FARP2: variants seen among roughly 807,000 people sequenced by gnomAD.
FARP2 encodes the protein FERM, ARH/RhoGEF and pleckstrin domain protein 2.
Under a neutral mutation model 130.5 loss-of-function variants are expected in FARP2, and 111 were observed. That is an observed-to-expected ratio of 0.85 (90% CI 0.73 to 1.00). The LOEUF is 1.00. FARP2 is among the 50% of genes least tolerant of loss of function. The pLI is 0.00. For missense variants in FARP2, 1,385 were observed against 1,346.3 expected (o/e 1.03, Z -0.45); for synonymous variants, 504 against 516.9 (o/e 0.98, Z 0.34).
rs965210809 is a variant in FARP2 at position 241,413,190 on chromosome 2, T to A, written c.509-117T>A. 1.8e-5 allele frequency: 11 copies of A among 620,232 alleles called. No homozygotes were observed. In the South Asian group the frequency reaches 2.5e-4, roughly 14 times the overall value. 38.4% of individuals were successfully genotyped at this position (620,232 alleles called of 1,614,324 possible). A position where few individuals can be genotyped will look rare whatever the true frequency, so the allele number is the denominator to read the frequency against. On this transcript the variant is annotated intron_variant, in intron 6 of 26. Coordinates refer to ENST00000264042, the MANE Select transcript of FARP2 (RefSeq NM_014808.4). ...ATAAAAAATCTTGCTTTTTTAGGGATATATTCTTTTGCTACAAATTTGGGA... is the reference window on the plus strand; with the variant it reads ...ATAAAAAATCTTGCTTTTTTAGGGAAATATTCTTTTGCTACAAATTTGGGA...
intron 13 of FARP2, chr2:241,442,257 C>T: frequency 4.4e-6 from 2 of 456,730 alleles, no homozygotes; most frequent in Middle Eastern, 6.5e-4. Context: ...TGGTCAACTT[C>T]CCAGCCTACT....
At position 241,491,647 on chromosome 2, in the gene FARP2, G is replaced by A. The variant is rs772148774; in HGVS notation, c.2755G>A (p.Val919Met). Reference protein sequence around the residue: ...MHVCWYRNTSVSRADHSAAVE... With the variant: ...MHVCWYRNTSMSRADHSAAVE... The stretch of plus-strand genomic sequence containing the variant: ...CGTGTGCTGGTACCGGAACACCAGC[G>A]TGTCCAGGGCAGACCACAGTGCAGC... Residue 919 changes from valine (V) to methionine (M), a missense_variant, in exon 24 of 27, where the codon GTG (valine) becomes ATG (methionine). Transcript: ENST00000264042. 1.1e-5 allele frequency: 17 copies of A among 1,612,548 alleles called. No individual in the cohort carries two copies. Among genetic ancestry groups the A allele is most frequent in the South Asian group, 3.3e-5 (3 of 90,944 alleles).
At chr2:241,366,133 A>ATACATATATATATATACGTATATATC (rs2061313783) in intron 1 of FARP2, among the ~76,000 whole-genome samples, 2 of 136,674 alleles carry the variant, frequency 1.5e-5, no homozygotes, top group Non-Finnish European at 1.6e-5. Flanking sequence ...GTATATATAT[A>ATACATATATATATATACGTATATATC]TATATACACA....
chr2:241,362,865 AAATC>A lies in FARP2; in HGVS notation c.-25+6482_-25+6485del, dbSNP rs536782671. Among the ~76,000 whole-genome samples, 912 of 152,324 alleles carry A rather than the reference AAATC, an allele frequency of 6.0e-3. 10 individuals are homozygous for A. The highest frequency in any genetic ancestry group is 0.027 in the Admixed American group (415 of 15,298). On this transcript the variant is annotated intron_variant, in intron 1 of 26. Coordinates refer to ENST00000264042, the MANE Select transcript of FARP2 (RefSeq NM_014808.4). ...CAGAAAATTAGGAAGAAGGAAATAA[AAATC>A]AATCCTCTTACCCCTCCCAATGATA...
chr2:241,463,604 G>A (rs1398065003), intron 16 of FARP2, 136 bp downstream of exon 16: 21 of 957,044 alleles, frequency 2.2e-5, no homozygotes, highest in Non-Finnish European at 3.1e-5. Context: ...AGCCTGTGGG[G>A]AGAGGTACAG....
At chr2:241,379,146 G>A (rs2061605036) in intron 2 of FARP2, among the ~76,000 whole-genome samples, 2 of 152,144 alleles carry the variant, frequency 1.3e-5, no homozygotes, top group African/African-American at 2.4e-5. Flanking sequence ...CTGAGACCCC[G>A]TTCTAGAAAG....
chr2:241,420,694 CTT>C (rs1281483485), intron 8 of FARP2, among the ~76,000 whole-genome samples: 1 of 152,210 alleles, frequency 6.6e-6, no homozygotes, highest in Non-Finnish European at 1.5e-5. Flanking sequence ...TCATCAGCCT[CTT>C]TGTCCTGCAG....
In FARP2 at chr2:241,411,086, G is replaced by A. The variant is rs756651965; in HGVS notation, c.464G>A (p.Cys155Tyr). 2 of 1,612,680 alleles carry A rather than the reference G, an allele frequency of 1.2e-6. No individual in the cohort carries two copies. The highest frequency in any genetic ancestry group is 3.3e-5 in the Admixed American group (2 of 59,886). ...GACCTGCTGGAAGAGCGTTTGACCTGTGCTGACACCACAGCGGCCCTTCTC... is the reference window on the plus strand; with the variant it reads ...GACCTGCTGGAAGAGCGTTTGACCTATGCTGACACCACAGCGGCCCTTCTC... ...KRDLLEERLT[C>Y]ADTTAALLTS... Residue 155 changes from cysteine to tyrosine, a missense_variant, in exon 6 of 27, where the codon TGT (cysteine) becomes TAT (tyrosine). Transcript: ENST00000264042.
At chr2:241,403,367 G>A (rs180788002) in intron 2 of FARP2, among the ~76,000 whole-genome samples, 237 of 152,060 alleles carry the variant, frequency 1.6e-3, no homozygotes, top group Non-Finnish European at 2.7e-3. Flanking sequence ...GGTGGGCACC[G>A]CTGTGCTCGG....
intron 2 of FARP2, among the ~76,000 whole-genome samples, chr2:241,376,716 G>A (rs1372619246): frequency 1.3e-5 from 2 of 152,266 alleles, no homozygotes; most frequent in Non-Finnish European, 2.9e-5. Context: ...GGAACCAAGA[G>A]ACAGACTGTG....
In FARP2 at chr2:241,375,695, A is replaced by G. The variant is rs146819382; in HGVS notation, c.183+2405A>G. On this transcript the variant is annotated intron_variant, in intron 2 of 26. Transcript: ENST00000264042. ...TATCTGGCAGAGTTACCAGAAATTA[A>G]AGAACTTTTATCTGAAGCAAAAGAA... 1.6e-4 allele frequency among the ~76,000 whole-genome samples: 25 copies of G among 152,320 alleles called. No homozygotes were observed. The East Asian group carries it at 4.8e-3, about 29-fold the overall frequency.
Position 241,482,914 on chromosome 2 carries a change from T to G in FARP2, c.2263-551T>G, listed in dbSNP as rs534467049. 2.6e-5 allele frequency among the ~76,000 whole-genome samples: 4 copies of G among 152,260 alleles called. No homozygotes were observed. In the South Asian group the frequency reaches 8.3e-4, roughly 32 times the overall value. Reference sequence around the variant, plus strand: ...CGCCCTGTGGTGGACGAGGTGGTGCTAATTTGAATACTTAGGAGAACCCTC... The same window carrying G: ...CGCCCTGTGGTGGACGAGGTGGTGCGAATTTGAATACTTAGGAGAACCCTC... On this transcript the variant is annotated intron_variant, in intron 19 of 26. Coordinates refer to ENST00000264042, the MANE Select transcript of FARP2 (RefSeq NM_014808.4). This position sits in a 1 kb window ranked among gnomAD's most constrained non-coding sequence, Gnocchi z 4.6.
chr2:241,373,716 C>G (rs1390400706), intron 2 of FARP2, among the ~76,000 whole-genome samples: 1 of 152,314 alleles, frequency 6.6e-6, no homozygotes, highest in East Asian at 1.9e-4. Flanking sequence ...CCCTCTTTCT[C>G]AGAGCTGCTG....
chr2:241,438,920 C>T (rs897935993), intron 12 of FARP2, among the ~76,000 whole-genome samples: 68 of 151,796 alleles, frequency 4.5e-4, no homozygotes, highest in African/African-American at 1.4e-3. Context: ...TGAGCCACCG[C>T]GCCCGGCCAA....
intron 1 of FARP2, among the ~76,000 whole-genome samples, chr2:241,364,096 C>T (rs1168088562): frequency 6.6e-5 from 10 of 152,154 alleles, no homozygotes; most frequent in Non-Finnish European, 5.9e-5. Context: ...AGCCTGGATT[C>T]GTTGTCTAGA....
intron 1 of FARP2, among the ~76,000 whole-genome samples, chr2:241,364,336 G>A (rs187930633): frequency 6.6e-6 from 1 of 152,328 alleles, no homozygotes; most frequent in African/African-American, 2.4e-5. Context: ...ACTTGAATGA[G>A]CCTGTAAGTG....
In FARP2 at chr2:241,489,952, C is replaced by T; in HGVS notation, c.2422-10C>T. The stretch of plus-strand genomic sequence containing the variant: ...GGCCACAAGACTTGGACCGTTTCTC[C>T]CACCCACAGGTGGAAGAAAGTGATA... On this transcript the variant is annotated splice_polypyrimidine_tract_variant and intron_variant, in intron 21 of 26. Coordinates refer to ENST00000264042, the MANE Select transcript of FARP2 (RefSeq NM_014808.4). 1.2e-6 allele frequency: 2 copies of T among 1,600,888 alleles called. No homozygotes were observed. The highest frequency in any genetic ancestry group is 2.2e-5 in the South Asian group (2 of 90,830).
rs1170652513 is a variant in FARP2 at position 241,463,470 on chromosome 2, T to C, written c.1811+2T>C. On this transcript the variant is annotated splice_donor_variant, in intron 16 of 26. Coordinates refer to ENST00000264042, the MANE Select transcript of FARP2 (RefSeq NM_014808.4). LOFTEE classifies it high-confidence loss of function. The stretch of plus-strand genomic sequence containing the variant: ...GGTGGAGCAGAGGCTGGCACTCTGG[T>C]AACACCCCTTCAGCCCCCACACGGG... 1.2e-6 allele frequency: 2 copies of C among 1,613,076 alleles called. No homozygotes were observed. Among genetic ancestry groups the C allele is most frequent in the Non-Finnish European group, 8.5e-7 (1 of 1,179,780 alleles).
At chr2:241,468,418 C>T (rs775292253) in intron 18 of FARP2, 41 bp downstream of exon 18, 15 of 1,513,708 alleles carry the variant, frequency 9.9e-6, no homozygotes, top group East Asian at 4.5e-5. Context: ...GATCAGCGTG[C>T]GTGGCTGGGA....
Sources: allele counts gnomAD v4.1 joint callset (sites outside exome capture counted in the v4.1 genomes callset), GRCh38; gene constraint gnomAD v4.1.1; non-coding constraint Gnocchi (gnomAD v3.1); transcripts MANE v1.5; gene names NCBI Gene and HGNC (gene_info 2026-07-23, HGNC 2026-07-21).